Variants in AGBL4 observed in about 807,000 individuals in gnomAD.
AGBL4 encodes AGBL carboxypeptidase 4.
AGBL4 carries 58 observed loss-of-function variants against 66.4 expected under a neutral mutation model. The observed-to-expected ratio is 0.87, with a 90% confidence interval of 0.71 to 1.09. The LOEUF (loss-of-function observed/expected upper bound fraction) is 1.09, where lower values mean the gene tolerates loss of function less well. Among genes scored for constraint, AGBL4 ranks in the 50% least tolerant of loss-of-function variants. The pLI, the probability that AGBL4 is intolerant of heterozygous loss-of-function variation, is 0.00. For missense variants in AGBL4, 579 were observed against 631.0 expected (o/e 0.92, Z 0.88); for synonymous variants, 234 against 222.9 (o/e 1.05, Z -0.44).
intron 1 of AGBL4, among the ~76,000 whole-genome samples, chr1:49,927,071 G>T (rs939970755): frequency 6.6e-6 from 1 of 152,036 alleles, no homozygotes; most frequent in East Asian, 1.9e-4. Flanking sequence ...GTCTTTTCAC[G>T]TTTTTTCTGC....
At chr1:48,564,263 G>A (rs1328770068) in intron 11 of AGBL4, among the ~76,000 whole-genome samples, 3 of 152,106 alleles carry the variant, frequency 2.0e-5, no homozygotes, top group African/African-American at 7.2e-5. Context: ...ATGCAGAGCT[G>A]ACTGTGTCCC....
At chr1:48,934,105 T>C (rs1203975908) in intron 5 of AGBL4, among the ~76,000 whole-genome samples, 1 of 152,176 alleles carries the variant, frequency 6.6e-6, no homozygotes, top group Non-Finnish European at 1.5e-5. Flanking sequence ...CTAATGTTTA[T>C]CTAATGGTAA....
At chr1:48,611,353 T>C (rs1645236226) in intron 9 of AGBL4, among the ~76,000 whole-genome samples, 1 of 152,324 alleles carries the variant, frequency 6.6e-6, no homozygotes, top group Non-Finnish European at 1.5e-5. Flanking sequence ...GGGAGGGTCA[T>C]GGCCTGAGCC....
intron 6 of AGBL4, among the ~76,000 whole-genome samples, chr1:48,678,364 C>T (rs1570228074): frequency 1.3e-5 from 2 of 152,218 alleles, no homozygotes; most frequent in South Asian, 4.1e-4. Context: ...CACAGCACCC[C>T]TCTCTTTACT....
intron 6 of AGBL4, among the ~76,000 whole-genome samples, chr1:48,699,363 A>C (rs1646765448): frequency 1.3e-5 from 2 of 152,234 alleles, no homozygotes; most frequent in Non-Finnish European, 2.9e-5. Context: ...GTAGGCACTC[A>C]ATTAATTATC....
chr1:49,055,971 C>T (rs977052933), intron 4 of AGBL4, among the ~76,000 whole-genome samples: 3 of 152,034 alleles, frequency 2.0e-5, no homozygotes, highest in Non-Finnish European at 4.4e-5. Context: ...CCAACCTGAT[C>T]GCTCCTCTTG....
chr1:49,503,278 C>T (rs1648353699), intron 3 of AGBL4, among the ~76,000 whole-genome samples: 1 of 152,136 alleles, frequency 6.6e-6, no homozygotes, highest in Non-Finnish European at 1.5e-5. Context: ...GGTTTGGGAA[C>T]CTTCACCTAG....
At chr1:49,344,425 G>A (rs898608114) in intron 3 of AGBL4, among the ~76,000 whole-genome samples, 16 of 152,146 alleles carry the variant, frequency 1.1e-4, no homozygotes, top group Admixed American at 5.9e-4. Context: ...TGTGGTTTTT[G>A]CCTAGTGCAC....
intron 3 of AGBL4, among the ~76,000 whole-genome samples, chr1:49,619,453 C>G (rs1033018316): frequency 2.0e-5 from 3 of 152,110 alleles, no homozygotes; most frequent in Admixed American, 6.5e-5. Flanking sequence ...CAAACCACTG[C>G]TCAAGGAAAT....
At chr1:49,591,289 G>A (rs1644746827) in intron 3 of AGBL4, among the ~76,000 whole-genome samples, 1 of 151,348 alleles carries the variant, frequency 6.6e-6, no homozygotes, top group Non-Finnish European at 1.5e-5. Flanking sequence ...TTGAAAAAAA[G>A]GGAAGACACA....
In AGBL4 at chr1:49,654,916, A is replaced by G. The variant is rs915483275; in HGVS notation, c.282+42397T>C. Among the ~76,000 whole-genome samples the G allele has an allele frequency of 2.6e-5, 4 of 152,178 alleles. 1 individual carries two copies. The highest frequency in any genetic ancestry group is 5.9e-5 in the Non-Finnish European group (4 of 68,042). On this transcript the variant is annotated intron_variant, in intron 3 of 13. Coordinates refer to ENST00000371839, the MANE Select transcript of AGBL4 (RefSeq NM_032785.4). The stretch of plus-strand genomic sequence containing the variant: ...GTCTTTTAACTGGAGCATTTAGCCC[A>G]GTTACATTTAAGGTTCATATTGTTA...
chr1:49,212,547 C>T (rs1346938754), intron 4 of AGBL4, among the ~76,000 whole-genome samples: 2 of 152,212 alleles, frequency 1.3e-5, no homozygotes, highest in Admixed American at 1.3e-4. Context: ...TTTAAACAAG[C>T]TGCTAACCCT....
At chr1:49,720,519 C>T (rs149120124) in intron 2 of AGBL4, among the ~76,000 whole-genome samples, 1 of 152,240 alleles carries the variant, frequency 6.6e-6, no homozygotes, top group African/African-American at 2.4e-5. Context: ...CTAGCGATTC[C>T]AATTTGTTTG....
intron 6 of AGBL4, chr1:48,776,694 T>C: frequency 6.6e-7 from 1 of 1,515,274 alleles, no homozygotes; most frequent in Non-Finnish European, 8.8e-7. Context: ...CGGCGCCCAA[T>C]TCCTCCGGGC....
At chr1:48,627,890 T>A (rs1207052579) in intron 9 of AGBL4, among the ~76,000 whole-genome samples, 1 of 152,142 alleles carries the variant, frequency 6.6e-6, no homozygotes, top group Admixed American at 6.6e-5. Flanking sequence ...TGGGGGATTC[T>A]TCCTAGCAAC....
At chr1:48,834,991 T>C (rs1646642722) in intron 6 of AGBL4, among the ~76,000 whole-genome samples, 2 of 152,140 alleles carry the variant, frequency 1.3e-5, no homozygotes, top group African/African-American at 4.8e-5. Context: ...TTTGCAGTGA[T>C]TGAGGTTTCA....
At chr1:48,913,665 C>T (rs1197082129) in intron 5 of AGBL4, among the ~76,000 whole-genome samples, 1 of 152,184 alleles carries the variant, frequency 6.6e-6, no homozygotes, top group Non-Finnish European at 1.5e-5. Context: ...AAGCTCAGGG[C>T]TCCCACTAAT....
intron 1 of AGBL4, among the ~76,000 whole-genome samples, chr1:49,950,041 TAC>T (rs142827915): frequency 0.013 from 1,862 of 141,800 alleles, 28 homozygotes; most frequent in Middle Eastern, 0.039. Context: ...TGTATATATA[TAC>T]ACATATGTGT....
chr1:49,202,538 T>A (rs1162916885), intron 4 of AGBL4, among the ~76,000 whole-genome samples: 2 of 151,984 alleles, frequency 1.3e-5, no homozygotes. Flanking sequence ...AATAGCTTCT[T>A]CAACAATTGG....
Sources: gnomAD v4.1 joint callset for allele counts (sites outside exome capture counted in the v4.1 genomes callset) on GRCh38, gnomAD v4.1.1 for gene constraint, MANE v1.5 for transcripts, NCBI Gene and HGNC (gene_info 2026-07-23, HGNC 2026-07-21) for gene names.